SMURF1: variants seen among roughly 807,000 people sequenced by gnomAD.
SMURF1 encodes the protein SMAD specific E3 ubiquitin protein ligase 1, also known as E3 ubiquitin-protein ligase SMURF1.
SMURF1 carries 44 observed loss-of-function variants against 98.0 expected under a neutral mutation model. The ratio of observed to expected loss-of-function variants is 0.45; its 90% CI spans 0.35 to 0.58. SMURF1 has a LOEUF of 0.58. Ranked by LOEUF, SMURF1 falls within the 20% of genes least tolerant of loss-of-function variation. SMURF1 has a pLI of 0.00. For synonymous variants in SMURF1, 396 were observed against 374.9 expected (o/e 1.06, Z -0.65); for missense variants, 687 against 938.4 (o/e 0.73, Z 3.50).
intron 2 of SMURF1, among the ~76,000 whole-genome samples, chr7:99,061,304 A>G (rs1584469372): frequency 6.6e-6 from 1 of 152,366 alleles, no homozygotes; most frequent in East Asian, 1.9e-4. Flanking sequence ...GAAGAATTTA[A>G]TGCTGCAGGC....
At chr7:99,079,351 G>A (rs949884636) in intron 1 of SMURF1, among the ~76,000 whole-genome samples, 13 of 152,170 alleles carry the variant, frequency 8.5e-5, no homozygotes, top group African/African-American at 2.9e-4. Flanking sequence ...CAGCGTGTCC[G>A]GTACACAGCA....
chr7:99,069,495 A>T (rs1381351136), intron 1 of SMURF1, among the ~76,000 whole-genome samples: 3 of 152,086 alleles, frequency 2.0e-5, no homozygotes, highest in Non-Finnish European at 2.9e-5. Context: ...AGTACCTGGG[A>T]CTACAGGGCA....
Position 99,057,531 on chromosome 7 carries a change from G to T in SMURF1, c.224C>A (p.Ser75Ter). The T allele has an allele frequency of 6.5e-7, 1 of 1,543,260 alleles. No individual in the cohort carries two copies. The highest frequency in any genetic ancestry group is 8.7e-7 in the Non-Finnish European group (1 of 1,151,774). Residue 75 changes from serine to a stop codon, truncating the protein, a stop_gained, in exon 4 of 18, where the codon TCG (serine) becomes TAG (stop). Coordinates refer to ENST00000361368, the MANE Select transcript of SMURF1 (RefSeq NM_181349.3). LOFTEE classifies it high-confidence loss of function. ...ATGGTTCCACACGCTAATGGTTATC[G>T]AATCCGTTTTCCCAACATATCTGGA... ...HYDLYVGKTD[S>*]ITISVWNHKK...
Position 99,118,973 on chromosome 7 carries a change from A to T in SMURF1, c.55+24753T>A, listed in dbSNP as rs1046318128. ...CCTTCTGGGCTCAAGCGATCGTCCCATCTCAGCCTCCTGAGAAGCTAACAT... is the reference window on the plus strand; with the variant it reads ...CCTTCTGGGCTCAAGCGATCGTCCCTTCTCAGCCTCCTGAGAAGCTAACAT... On this transcript the variant is annotated intron_variant, in intron 1 of 17. Coordinates refer to ENST00000361368, the MANE Select transcript of SMURF1 (RefSeq NM_181349.3). 2.3e-5 allele frequency among the ~76,000 whole-genome samples: 3 copies of T among 129,704 alleles called. No individual in the cohort carries two copies. In the East Asian group the frequency reaches 7.2e-4, roughly 31 times the overall value. 85.1% of individuals were successfully genotyped at this position (129,704 alleles called of 152,430 possible).
At chr7:99,088,030 G>T (rs928406300) in intron 1 of SMURF1, among the ~76,000 whole-genome samples, 2 of 152,056 alleles carry the variant, frequency 1.3e-5, no homozygotes, top group African/African-American at 4.8e-5. Context: ...GCCGAGGCAG[G>T]TGGATCACCT....
intron 1 of SMURF1, among the ~76,000 whole-genome samples, chr7:99,083,182 A>ACAGACAACTC (rs1359030610): frequency 2.0e-5 from 3 of 152,116 alleles, no homozygotes; most frequent in African/African-American, 7.2e-5. Flanking sequence ...AAACCACAGA[A>ACAGACAACTC]TGGTACATTT....
At position 99,087,994 on chromosome 7, in the gene SMURF1, C is replaced by T. The variant is rs144095742; in HGVS notation, c.56-26157G>A. Among the ~76,000 whole-genome samples, 1,013 of 152,058 alleles carry T rather than the reference C, an allele frequency of 6.7e-3. 8 individuals carry two copies. Among genetic ancestry groups the T allele is most frequent in the African/African-American group, 0.024 (985 of 41,480 alleles). On this transcript the variant is annotated intron_variant, in intron 1 of 17. Transcript: ENST00000361368. ...GTATTTGGCCGGGAGCAGTGGCTCACATCTGTAATCCCAGCACTTTGGGAG... is the reference window on the plus strand; with the variant it reads ...GTATTTGGCCGGGAGCAGTGGCTCATATCTGTAATCCCAGCACTTTGGGAG...
At chr7:99,133,378 T>C (rs1458656825) in intron 1 of SMURF1, among the ~76,000 whole-genome samples, 3 of 150,942 alleles carry the variant, frequency 2.0e-5, no homozygotes, top group African/African-American at 7.3e-5. Context: ...TATCATTACT[T>C]CAAAATTAAA....
At chr7:99,068,382 T>C (rs4729507) in intron 1 of SMURF1, among the ~76,000 whole-genome samples, 84,039 of 152,132 alleles carry the variant, frequency 0.55, 25,279 homozygotes, top group Admixed American at 0.66. Context: ...CCTCAGACTC[T>C]TGGGCTCAAG....
At chr7:99,066,173 G>A (rs529076026) in intron 1 of SMURF1, among the ~76,000 whole-genome samples, 60 of 152,146 alleles carry the variant, frequency 3.9e-4, no homozygotes, top group Non-Finnish European at 5.4e-4. Flanking sequence ...TGAACTGACC[G>A]TTTCAAGACT....
At chr7:99,072,810 A>G (rs988284896) in intron 1 of SMURF1, among the ~76,000 whole-genome samples, 3 of 152,254 alleles carry the variant, frequency 2.0e-5, no homozygotes, top group African/African-American at 7.2e-5. Flanking sequence ...TGCTACTTCC[A>G]TAACACTGAA....
chr7:99,038,540 C>T lies in SMURF1; in HGVS notation c.1551-15G>A. 8 of 1,612,964 alleles carry T rather than the reference C, an allele frequency of 5.0e-6. No homozygotes were observed. Among genetic ancestry groups the T allele is most frequent in the Non-Finnish European group, 6.8e-6 (8 of 1,179,440 alleles). On this transcript the variant is annotated splice_polypyrimidine_tract_variant and intron_variant, in intron 13 of 17. Transcript: ENST00000361368. ...TGTCGTTCTCTCTGTTGAAATAAGACAGAAGGATGTAGGTTAGAACTCTGC... is the reference window on the plus strand; with the variant it reads ...TGTCGTTCTCTCTGTTGAAATAAGATAGAAGGATGTAGGTTAGAACTCTGC...
intron 1 of SMURF1, among the ~76,000 whole-genome samples, chr7:99,098,321 G>A (rs968212829): frequency 1.3e-5 from 2 of 152,100 alleles, no homozygotes; most frequent in Non-Finnish European, 2.9e-5. Context: ...ATTTTCCTAT[G>A]GGCATTACAA....
At chr7:99,143,401 G>C (rs1798183460) in intron 1 of SMURF1, among the ~76,000 whole-genome samples, 1 of 147,664 alleles carries the variant, frequency 6.8e-6, no homozygotes, top group African/African-American at 2.5e-5. Flanking sequence ...GAAGCGAGGG[G>C]CGGGGCCAGG....
At chr7:99,135,409 C>T (rs1172706299) in intron 1 of SMURF1, among the ~76,000 whole-genome samples, 1 of 152,184 alleles carries the variant, frequency 6.6e-6, no homozygotes, top group Non-Finnish European at 1.5e-5. Flanking sequence ...AATCAACAGT[C>T]AAAATCTTTC....
intron 1 of SMURF1, among the ~76,000 whole-genome samples, chr7:99,103,949 G>A (rs2150593722): frequency 6.6e-6 from 1 of 150,990 alleles, no homozygotes; most frequent in East Asian, 2.0e-4. Flanking sequence ...CTAGAATGCA[G>A]TGGTGCGATC....
chr7:99,034,117 C>G (rs1025975542), intron 16 of SMURF1, among the ~76,000 whole-genome samples: 3 of 152,186 alleles, frequency 2.0e-5, no homozygotes, highest in Admixed American at 6.5e-5. Context: ...GCTCCTCCCC[C>G]TCACAGGCCA....
intron 1 of SMURF1, among the ~76,000 whole-genome samples, chr7:99,141,917 G>A (rs1169209773): frequency 6.6e-6 from 1 of 152,192 alleles, no homozygotes; most frequent in Non-Finnish European, 1.5e-5. Context: ...AATCCCTGAC[G>A]GGGATTAGAA....
rs116690916 is a variant in SMURF1 at position 99,043,304 on chromosome 7, A to T, written c.1257-1072T>A. 6.1e-3 allele frequency among the ~76,000 whole-genome samples: 935 copies of T among 152,334 alleles called. 10 individuals are homozygous for T. The highest frequency in any genetic ancestry group is 0.021 in the African/African-American group (871 of 41,572). ...GATAAGTGTAGCCTAACTCCCACAG[A>T]TCGGATAATGAACACACACCTGCAC... On this transcript the variant is annotated intron_variant, in intron 11 of 17. Transcript: ENST00000361368.
Sources: allele counts gnomAD v4.1 joint callset (sites outside exome capture counted in the v4.1 genomes callset), GRCh38; gene constraint gnomAD v4.1.1; transcripts MANE v1.5; gene names NCBI Gene and HGNC (gene_info 2026-07-23, HGNC 2026-07-21).